The following CENPP variants were observed in gnomAD, a reference collection of about 807,000 sequenced individuals.
The protein encoded by CENPP is centromere protein P.
Under a neutral mutation model 35.6 loss-of-function variants are expected in CENPP, and 24 were observed. That is an observed-to-expected ratio of 0.67 (90% CI 0.49 to 0.95). The LOEUF (loss-of-function observed/expected upper bound fraction) is 0.95, where lower values mean the gene tolerates loss of function less well. Ranked by LOEUF, CENPP falls within the 40% of genes least tolerant of loss-of-function variation. The pLI, the probability that CENPP is intolerant of heterozygous loss-of-function variation, is 0.00. For missense variants in CENPP, 332 were observed against 345.3 expected (o/e 0.96, Z 0.31); for synonymous variants, 120 against 125.5 (o/e 0.96, Z 0.29).
chr9:92,499,148 G>A (rs1162064479), intron 5 of CENPP, among the ~76,000 whole-genome samples: 2 of 152,184 alleles, frequency 1.3e-5, no homozygotes, highest in South Asian at 2.1e-4. Context: ...TTTGAATGGC[G>A]ACCATTGTCC....
intron 5 of CENPP, among the ~76,000 whole-genome samples, chr9:92,527,466 C>T (rs1185549905): frequency 6.6e-6 from 1 of 152,202 alleles, no homozygotes; most frequent in Non-Finnish European, 1.5e-5. Flanking sequence ...CGTGTAAGTA[C>T]ACTTTATGAT....
intron 5 of CENPP, chr9:92,416,674 T>G: frequency 6.2e-7 from 1 of 1,609,740 alleles, no homozygotes. Context: ...GAATATAGAA[T>G]GCTTGCTTCA....
In CENPP at chr9:92,517,729, C is replaced by G; in HGVS notation, c.565-93585C>G. 6.2e-7 allele frequency: 1 copy of G among 1,614,172 alleles called. No individual in the cohort carries two copies. The highest frequency in any genetic ancestry group is 1.1e-5 in the South Asian group (1 of 91,072). On this transcript the variant is annotated intron_variant, in intron 5 of 7. Transcript: ENST00000375587. ...GGGCAGCATTCCCCTTCAGGTATAA[C>G]TGTTTGGGGGCACCTCTGGGGATGG... is the stretch of plus-strand genomic sequence containing the variant.
chr9:92,599,801 T>TTTTAATAGAGAAA (rs1452289268), intron 5 of CENPP, among the ~76,000 whole-genome samples: 8 of 152,168 alleles, frequency 5.3e-5, no homozygotes, highest in African/African-American at 1.9e-4. Flanking sequence ...ATGGTGTAGC[T>TTTTAATAGAGAAA]CCCACTAGAT....
Position 92,377,281 on chromosome 9 carries a change from T to C in CENPP, c.468-2482T>C, listed in dbSNP as rs541210566. On this transcript the variant is annotated intron_variant, in intron 4 of 7. Transcript: ENST00000375587. ...ACTATCTACCTAAATAATTTCTTTC[T>C]AGCTCCTGTATCAATTGCAAGAAAG... Among the ~76,000 whole-genome samples the C allele has an allele frequency of 3.3e-5, 5 of 152,338 alleles. No individual in the cohort carries two copies. In the South Asian group the frequency reaches 1.0e-3, roughly 32 times the overall value.
intron 5 of CENPP, among the ~76,000 whole-genome samples, chr9:92,553,476 A>G (rs549980268): frequency 3.9e-4 from 59 of 151,992 alleles, no homozygotes; most frequent in Non-Finnish European, 6.0e-4. Context: ...GATTGCGTTG[A>G]ATTTGTAGAT....
chr9:92,344,281 ATT>A (rs1427737514), intron 3 of CENPP, among the ~76,000 whole-genome samples: 2 of 152,168 alleles, frequency 1.3e-5, no homozygotes, highest in Non-Finnish European at 2.9e-5. Flanking sequence ...CCAACAAAAA[ATT>A]TGTTTTTGCC....
At chr9:92,596,465 A>G (rs866708214) in intron 5 of CENPP, among the ~76,000 whole-genome samples, 1,905 of 150,904 alleles carry the variant, frequency 0.013, 58 homozygotes, top group African/African-American at 0.044. Context: ...AAAAAAAAAA[A>G]AAAAAGAAAG....
chr9:92,353,210 A>C (rs7848055), intron 4 of CENPP, among the ~76,000 whole-genome samples: 62,092 of 152,138 alleles, frequency 0.41, 14,990 homozygotes, highest in African/African-American at 0.67. Flanking sequence ...ATTTTTAACG[A>C]AAGAAGAAGG....
At chr9:92,548,586 T>G (rs186853172) in intron 5 of CENPP, among the ~76,000 whole-genome samples, 197 of 152,316 alleles carry the variant, frequency 1.3e-3, no homozygotes, top group Non-Finnish European at 2.0e-3. Flanking sequence ...AAAAAATAAT[T>G]GTCTTTATAC....
In CENPP at chr9:92,448,051, A is replaced by G. The variant is rs571352649; in HGVS notation, c.564+68192A>G. Among the ~76,000 whole-genome samples, 23 of 152,318 alleles carry G rather than the reference A, an allele frequency of 1.5e-4. 1 individual carries two copies. The highest frequency in any genetic ancestry group is 5.3e-4 in the African/African-American group (22 of 41,578). On this transcript the variant is annotated intron_variant, in intron 5 of 7. Coordinates refer to ENST00000375587, the MANE Select transcript of CENPP (RefSeq NM_001012267.3). ...GGGAATAAAGAGAAGAGACCAAATG[A>G]AGGATATTGGGGAACACTAGCCACT...
At chr9:92,343,858 G>T (rs1261934028) in intron 3 of CENPP, among the ~76,000 whole-genome samples, 1 of 151,318 alleles carries the variant, frequency 6.6e-6, no homozygotes, top group Non-Finnish European at 1.5e-5. Context: ...AGCCACTTGG[G>T]AGGCTGAGAC....
At chr9:92,590,024 G>A (rs376552667) in intron 5 of CENPP, among the ~76,000 whole-genome samples, 29 of 151,988 alleles carry the variant, frequency 1.9e-4, no homozygotes, top group African/African-American at 5.3e-4. Context: ...TTGTTTCTTC[G>A]CCCCACTTTA....
chr9:92,479,341 A>G (rs1845829456), intron 5 of CENPP, among the ~76,000 whole-genome samples: 1 of 152,224 alleles, frequency 6.6e-6, no homozygotes, highest in African/African-American at 2.4e-5. Context: ...CGGTAAAATT[A>G]AAATATGAAA....
chr9:92,546,297 A>G (rs1014810728), intron 5 of CENPP, among the ~76,000 whole-genome samples: 2 of 152,226 alleles, frequency 1.3e-5, no homozygotes, highest in African/African-American at 4.8e-5. Flanking sequence ...CAATAAAAGC[A>G]GGCTGCCCAA....
chr9:92,606,666 G>A (rs1851090243), intron 5 of CENPP, among the ~76,000 whole-genome samples: 1 of 152,236 alleles, frequency 6.6e-6, no homozygotes, highest in Admixed American at 6.5e-5. Flanking sequence ...AACACTTTGG[G>A]AGGCCAAGGC....
At chr9:92,532,013 A>ATTTT (rs1368397928) in intron 5 of CENPP, among the ~76,000 whole-genome samples, 18 of 68,930 alleles carry the variant, frequency 2.6e-4, no homozygotes, top group African/African-American at 1.1e-3. Flanking sequence ...TTTTTATTTA[A>ATTTT]TGTTTTTTTT....
chr9:92,596,344 C>T (rs1588305180), intron 5 of CENPP, among the ~76,000 whole-genome samples: 1 of 146,010 alleles, frequency 6.8e-6, no homozygotes, highest in African/African-American at 2.5e-5. Context: ...TTGCCCAGAC[C>T]GGTTAGTTTT....
At chr9:92,519,284 C>T (rs1847919055) in intron 5 of CENPP, among the ~76,000 whole-genome samples, 1 of 152,330 alleles carries the variant, frequency 6.6e-6, no homozygotes, top group East Asian at 1.9e-4. Context: ...TCAAAATTTC[C>T]ATGGCCTTTT....
Sources: allele counts gnomAD v4.1 joint callset (sites outside exome capture counted in the v4.1 genomes callset), GRCh38; gene constraint gnomAD v4.1.1; transcripts MANE v1.5; gene names NCBI Gene and HGNC (gene_info 2026-07-23, HGNC 2026-07-21).